SLC22A24: variants seen among roughly 807,000 people sequenced by gnomAD.
SLC22A24 encodes the protein steroid transmembrane transporter SLC22A24.
Under a neutral mutation model 49.8 loss-of-function variants are expected in SLC22A24, and 53 were observed. The observed-to-expected ratio is 1.06, with a 90% CI of 0.85 to 1.34. SLC22A24 has a LOEUF of 1.34. SLC22A24 is among the 40% of genes most tolerant of loss of function. The probability of loss-of-function intolerance (pLI) is 0.00; values close to 1 mark genes in which losing one functional copy is unlikely to be tolerated. For synonymous variants in SLC22A24, 302 were observed against 256.4 expected (o/e 1.18, Z -1.70); for missense variants, 786 against 675.9 (o/e 1.16, Z -1.81).
chr11:63,143,248 C>G (rs1449281157), intron 1 of SLC22A24, 130 bp downstream of exon 1: 4 of 690,418 alleles, frequency 5.8e-6, no homozygotes, highest in Non-Finnish European at 8.5e-6. Flanking sequence ...CTGCCACCTG[C>G]TAAAGGAATG....
intron 1 of SLC22A24, among the ~76,000 whole-genome samples, chr11:63,137,149 G>T (rs2087380971): frequency 6.6e-6 from 1 of 152,118 alleles, no homozygotes; most frequent in South Asian, 2.1e-4. Flanking sequence ...GGCTCCTGAG[G>T]AGGTCTCGGT....
rs189404530 is a variant in SLC22A24, at chr11:63,133,971, T to A, written c.506+694A>T. On this transcript the variant is annotated intron_variant, in intron 2 of 9. Transcript: ENST00000612278. The stretch of plus-strand genomic sequence containing the variant: ...ATTCTAGGTTCTTAATTTATTTATA[T>A]GAATATACCACAATCTATTAGAGTA... Among the ~76,000 whole-genome samples the A allele has an allele frequency of 7.1e-3, 1,088 of 152,318 alleles. 10 individuals are homozygous for A. The highest frequency in any genetic ancestry group is 0.025 in the African/African-American group (1,032 of 41,586).
intron 6 of SLC22A24, among the ~76,000 whole-genome samples, chr11:63,089,170 A>G (rs1293125558): frequency 6.6e-6 from 1 of 152,222 alleles, no homozygotes; most frequent in Non-Finnish European, 1.5e-5. Flanking sequence ...AAGGGCAGCC[A>G]GAAAGGTCAG....
intron 4 of SLC22A24, among the ~76,000 whole-genome samples, chr11:63,111,377 G>T (rs563871559): frequency 6.6e-6 from 1 of 151,824 alleles, no homozygotes; most frequent in East Asian, 1.9e-4. Context: ...ATGAGTTAGG[G>T]AGGATTCCTT....
intron 6 of SLC22A24, among the ~76,000 whole-genome samples, chr11:63,087,021 G>GGCGCGCGC (rs148778059): frequency 1.6e-4 from 18 of 113,646 alleles, no homozygotes; most frequent in Non-Finnish European, 2.8e-4. Flanking sequence ...CTGCCTGGAG[G>GGCGCGCGC]GCGCACACAC....
intron 1 of SLC22A24, among the ~76,000 whole-genome samples, chr11:63,139,104 A>T (rs985696085): frequency 3.9e-5 from 6 of 152,024 alleles, no homozygotes; most frequent in African/African-American, 1.4e-4. Context: ...AAAGGCCTTT[A>T]TGTTTTTCTC....
intron 4 of SLC22A24, among the ~76,000 whole-genome samples, chr11:63,111,766 G>A (rs1363732411): frequency 1.3e-5 from 2 of 152,014 alleles, no homozygotes; most frequent in African/African-American, 4.8e-5. Context: ...CTTGCTAGTG[G>A]TCTATCAATT....
intron 1 of SLC22A24, among the ~76,000 whole-genome samples, chr11:63,138,897 C>T (rs911374288): frequency 6.6e-6 from 1 of 152,124 alleles, no homozygotes; most frequent in Non-Finnish European, 1.5e-5. Flanking sequence ...TTTCTCTGAA[C>T]TACCTTGTAG....
chr11:63,093,078 A>T (rs1260994344), intron 6 of SLC22A24, among the ~76,000 whole-genome samples: 5 of 152,202 alleles, frequency 3.3e-5, no homozygotes. Flanking sequence ...TGGCCAACAA[A>T]CATGAAAAAA....
intron 2 of SLC22A24, among the ~76,000 whole-genome samples, chr11:63,123,219 A>C (rs139171075): frequency 7.2e-5 from 11 of 152,304 alleles, no homozygotes; most frequent in African/African-American, 2.4e-4. Context: ...AATGAATATT[A>C]TGCACATAAT....
At chr11:63,128,846 G>A (rs10897371) in intron 2 of SLC22A24, among the ~76,000 whole-genome samples, 120,507 of 151,650 alleles carry the variant, frequency 0.79, 48,956 homozygotes, top group East Asian at 0.9. Context: ...CAGTCTCCGC[G>A]TCTTGGTGGT....
intron 6 of SLC22A24, among the ~76,000 whole-genome samples, chr11:63,092,604 A>G (rs192943394): frequency 1.3e-3 from 180 of 143,514 alleles, no homozygotes; most frequent in Non-Finnish European, 2.5e-3. Context: ...AAGATTCCCT[A>G]TTTAATTAAT....
chr11:63,105,680 A>AT (rs1325087766), intron 4 of SLC22A24, among the ~76,000 whole-genome samples: 8 of 150,612 alleles, frequency 5.3e-5, no homozygotes, highest in Non-Finnish European at 8.9e-5. Context: ...CCAGTAAGTC[A>AT]TTTTTTTTTC....
intron 2 of SLC22A24, among the ~76,000 whole-genome samples, chr11:63,133,498 A>G (rs1022141290): frequency 4.6e-5 from 7 of 152,272 alleles, no homozygotes; most frequent in African/African-American, 9.6e-5. Flanking sequence ...GACATTGAGC[A>G]TCTAAACTCT....
Position 63,131,573 on chromosome 11 carries a change from A to G in SLC22A24, c.506+3092T>C, listed in dbSNP as rs368869502. The stretch of plus-strand genomic sequence containing the variant: ...GGCGGGACGTGAAATTCTGGGTTGA[A>G]AATTCTTTTTTTAAGAATGTTGAAT... On this transcript the variant is annotated intron_variant, in intron 2 of 9. Coordinates refer to ENST00000612278, the MANE Select transcript of SLC22A24 (RefSeq NM_001136506.2). Among the ~76,000 whole-genome samples the G allele has an allele frequency of 5.1e-4, 77 of 152,314 alleles. 1 individual carries two copies. In the South Asian group the frequency reaches 7.3e-3, roughly 14 times the overall value.
intron 4 of SLC22A24, among the ~76,000 whole-genome samples, chr11:63,115,195 C>G (rs539653565): frequency 1.3e-5 from 2 of 152,220 alleles, no homozygotes; most frequent in Non-Finnish European, 2.9e-5. Flanking sequence ...GGCAGTAGGC[C>G]TGGCTGAGCT....
chr11:63,080,221 G>A (rs2086951302), intron 9 of SLC22A24, among the ~76,000 whole-genome samples: 1 of 152,128 alleles, frequency 6.6e-6, no homozygotes, highest in Non-Finnish European at 1.5e-5. Context: ...TCTCACCATT[G>A]TCTCTTTGGA....
intron 1 of SLC22A24, among the ~76,000 whole-genome samples, chr11:63,141,403 C>G (rs867285814): frequency 6.6e-6 from 1 of 152,144 alleles, no homozygotes; most frequent in Non-Finnish European, 1.5e-5. Context: ...GGAAAGCTAA[C>G]CCCCCTCCAT....
chr11:63,112,982 T>C, intron 4 of SLC22A24, among the ~76,000 whole-genome samples: 1 of 126,822 alleles, frequency 7.9e-6, no homozygotes, highest in Non-Finnish European at 1.6e-5. Context: ...GCCACTGGAC[T>C]CCAGCCTGTG....
Sources: gnomAD v4.1 joint callset for allele counts (sites outside exome capture counted in the v4.1 genomes callset) on GRCh38, gnomAD v4.1.1 for gene constraint, MANE v1.5 for transcripts, NCBI Gene and HGNC (gene_info 2026-07-23, HGNC 2026-07-21) for gene names.